CEP41: variants seen among roughly 807,000 people sequenced by gnomAD.
The protein encoded by CEP41 is centrosomal protein 41, also known as centrosomal protein of 41 kDa.
In CEP41, 32 loss-of-function variants were observed where a neutral mutation model predicts 44.3. The ratio of observed to expected loss-of-function variants is 0.72; its 90% CI spans 0.54 to 0.97. The LOEUF is 0.97. Among genes scored for constraint, CEP41 ranks in the 50% least tolerant of loss-of-function variants. CEP41 has a pLI of 0.00. For synonymous variants in CEP41, 151 were observed against 168.5 expected (o/e 0.90, Z 0.80); for missense variants, 432 against 455.2 (o/e 0.95, Z 0.46).
Position 130,397,702 on chromosome 7 carries a change from G to A in CEP41, c.*1189C>T, listed in dbSNP as rs193120814. The A allele has an allele frequency of 3.3e-5, 15 of 453,942 alleles. No individual in the cohort carries two copies. The highest frequency in any genetic ancestry group is 2.6e-4 in the Admixed American group (11 of 42,532). 28.1% of individuals were successfully genotyped at this position (453,942 alleles called of 1,614,324 possible). A position where few individuals can be genotyped will look rare whatever the true frequency, so the allele number is the denominator to read the frequency against. ...ATCACAGACCATAAAAATTAACACC[G>A]CTCTTTTCCATCTGATTTCAGAGTT... On this transcript the variant is annotated 3_prime_UTR_variant, in exon 11 of 11. Coordinates refer to ENST00000223208, the MANE Select transcript of CEP41 (RefSeq NM_018718.3).
chr7:130,405,575 T>C (rs996535651), intron 5 of CEP41, among the ~76,000 whole-genome samples: 3 of 152,142 alleles, frequency 2.0e-5, no homozygotes, highest in Admixed American at 6.5e-5. Flanking sequence ...GAATAATATA[T>C]GTGATTTTTT....
intron 2 of CEP41, chr7:130,419,663 G>C: frequency 2.0e-6 from 2 of 985,104 alleles, no homozygotes; most frequent in Non-Finnish European, 2.4e-6. Context: ...AAAAAAGTCA[G>C]TGGCTCCCCA....
In CEP41 at chr7:130,398,131, A is replaced by T; in HGVS notation, c.*760T>A. The T allele has an allele frequency of 2.2e-6, 1 of 454,026 alleles. No individual in the cohort carries two copies. 28.1% of individuals were successfully genotyped at this position (454,026 alleles called of 1,614,324 possible). A position where few individuals can be genotyped will look rare whatever the true frequency, so the allele number is the denominator to read the frequency against. On this transcript the variant is annotated 3_prime_UTR_variant, in exon 11 of 11. Coordinates refer to ENST00000223208, the MANE Select transcript of CEP41 (RefSeq NM_018718.3). ...AGTGAGGGCCGCTTTGGTGGGCTTC[A>T]AGGGGCACAGGCCGGTGTGGTGGCC...
Position 130,395,961 on chromosome 7 carries a change from A to C in CEP41, c.*2930T>G. On this transcript the variant is annotated 3_prime_UTR_variant, in exon 11 of 11. Transcript: ENST00000223208. Reference sequence around the variant, plus strand: ...ATACTTTTTCAAGAGATTGAGCCTGACATTATTACAGCCCAGGGTGTTCCT... The same window carrying C: ...ATACTTTTTCAAGAGATTGAGCCTGCCATTATTACAGCCCAGGGTGTTCCT... 2.2e-6 allele frequency: 1 copy of C among 453,318 alleles called. No individual in the cohort carries two copies. The allele number at this position is 453,318 out of a possible 1,614,324, so 28.1% of individuals were successfully genotyped here.
Position 130,440,917 on chromosome 7 carries a change from C to T in CEP41, c.33+17G>A. 1.2e-6 allele frequency: 2 copies of T among 1,611,044 alleles called. No individual in the cohort carries two copies. The highest frequency in any genetic ancestry group is 8.5e-7 in the Non-Finnish European group (1 of 1,179,974). On this transcript the variant is annotated intron_variant, in intron 1 of 10. Transcript: ENST00000223208. Reference sequence around the variant, plus strand: ...CGCCCGCCCCCTCCGGCTCTCCGGCCGAGACCTGGCCCTCACCTCAGGGTT... The same window carrying T: ...CGCCCGCCCCCTCCGGCTCTCCGGCTGAGACCTGGCCCTCACCTCAGGGTT...
At chr7:130,421,585 T>C (rs1554422230) in intron 2 of CEP41, 24 of 988,716 alleles carry the variant, frequency 2.4e-5, no homozygotes, top group Non-Finnish European at 2.9e-5. Context: ...TTAGCAAATA[T>C]TCAGGAAAAG....
chr7:130,402,940 G>T, intron 6 of CEP41, 141 bp from the exon 7 acceptor site: 1 of 875,380 alleles, frequency 1.1e-6, no homozygotes. Context: ...TGGACGTGGT[G>T]TCTCAGTTCT....
At chr7:130,400,641 G>A in intron 9 of CEP41, 66 bp downstream of exon 9, 1 of 946,778 alleles carries the variant, frequency 1.1e-6, no homozygotes, top group South Asian at 1.4e-5. Flanking sequence ...GAGAGAAAAG[G>A]GGATGCAGGT....
intron 5 of CEP41, among the ~76,000 whole-genome samples, chr7:130,405,591 G>A (rs1796985623): frequency 6.6e-6 from 1 of 152,082 alleles, no homozygotes; most frequent in Admixed American, 6.5e-5. Flanking sequence ...TTTTTTGACA[G>A]TTGTATAATA....
intron 10 of CEP41, 172 bp downstream of exon 10, chr7:130,399,866 CG>C: frequency 1.6e-6 from 1 of 637,000 alleles, no homozygotes; most frequent in South Asian, 1.8e-5. Context: ...CTCTTCAATG[CG>C]TAATTCTTGC....
At chr7:130,402,526 G>T in intron 7 of CEP41, 122 bp downstream of exon 7, 2 of 1,069,426 alleles carry the variant, frequency 1.9e-6, no homozygotes, top group Non-Finnish European at 2.9e-6. Context: ...TTCCATAATG[G>T]ATCCAGCTAA....
At chr7:130,425,791 A>G (rs911706155) in intron 2 of CEP41, among the ~76,000 whole-genome samples, 1 of 152,236 alleles carries the variant, frequency 6.6e-6, no homozygotes, top group Non-Finnish European at 1.5e-5. Flanking sequence ...TGGTACATTC[A>G]TATCATGGAA....
intron 2 of CEP41, chr7:130,420,224 A>G (rs1454030529): frequency 3.2e-5 from 7 of 217,668 alleles, no homozygotes; most frequent in Non-Finnish European, 3.0e-5. Context: ...CAGCTACTTG[A>G]GAGGCTGAGG....
intron 2 of CEP41, among the ~76,000 whole-genome samples, chr7:130,427,564 C>T (rs1554423976): frequency 6.6e-6 from 1 of 152,162 alleles, no homozygotes; most frequent in African/African-American, 2.4e-5. Context: ...TTTGCAAACA[C>T]TGCATTGAAC....
chr7:130,436,716 G>T (rs1185444826), intron 1 of CEP41, among the ~76,000 whole-genome samples: 1 of 150,910 alleles, frequency 6.6e-6, no homozygotes, highest in Non-Finnish European at 1.5e-5. Context: ...AAGTACAACA[G>T]AGCAAAAAAC....
chr7:130,427,177 T>C (rs914790335), intron 2 of CEP41, among the ~76,000 whole-genome samples: 1 of 152,292 alleles, frequency 6.6e-6, no homozygotes, highest in African/African-American at 2.4e-5. Flanking sequence ...AGGTTACTAG[T>C]GGGAAATTCG....
chr7:130,395,145 A>G lies in CEP41; in HGVS notation c.*3746T>C, dbSNP rs1554413991. 2 of 454,060 alleles carry G rather than the reference A, an allele frequency of 4.4e-6. No individual in the cohort carries two copies. The highest frequency in any genetic ancestry group is 1.4e-4 in the East Asian group (2 of 14,402). The allele number at this position is 454,060 out of a possible 1,614,324, so 28.1% of individuals were successfully genotyped here. On this transcript the variant is annotated 3_prime_UTR_variant, in exon 11 of 11. Transcript: ENST00000223208. The stretch of plus-strand genomic sequence containing the variant: ...TTGTAACTGACCTGTGTATCCATTT[A>G]AAGATGTCATAATAATAATTTCAAT...
At chr7:130,437,789 G>A (rs140830344) in intron 1 of CEP41, among the ~76,000 whole-genome samples, 4,108 of 112,992 alleles carry the variant, frequency 0.036, 42 homozygotes, top group Middle Eastern at 0.042. Context: ...AAAAAAAAAA[G>A]AAAAAGAAAA....
rs782188831 is a variant in CEP41 at position 130,401,913 on chromosome 7, T to A, written c.610A>T (p.Met204Leu). 3.1e-6 allele frequency: 5 copies of A among 1,610,560 alleles called. No individual in the cohort carries two copies. The Admixed American group carries it at 6.7e-5, about 21-fold the overall frequency. Residue 204 changes from methionine (M) to leucine (L), a missense_variant, in exon 8 of 11, where the codon ATG becomes TTG. Transcript: ENST00000223208. ...SYPIATLSRT[M>L]NPYSNDILEY... Reference sequence around the variant, plus strand: ...AGAATATCATTTGAATAAGGGTTCATTGTTCTAGACAGAGTTGCAATTGGG... The same window carrying A: ...AGAATATCATTTGAATAAGGGTTCAATGTTCTAGACAGAGTTGCAATTGGG...
Sources: allele counts gnomAD v4.1 joint callset (sites outside exome capture counted in the v4.1 genomes callset), GRCh38; gene constraint gnomAD v4.1.1; transcripts MANE v1.5; gene names NCBI Gene and HGNC (gene_info 2026-07-23, HGNC 2026-07-21).